Variants in MYOCD observed in about 807,000 individuals in gnomAD.
MYOCD encodes myocardin.
Under a neutral mutation model 96.1 loss-of-function variants are expected in MYOCD, and 32 were observed. That is an observed-to-expected ratio of 0.33 (90% CI 0.25 to 0.45). The LOEUF (loss-of-function observed/expected upper bound fraction) is 0.45. MYOCD is among the 20% of genes least tolerant of loss of function. The probability of loss-of-function intolerance (pLI) is 1.00; values close to 1 mark genes in which losing one functional copy is unlikely to be tolerated. For missense variants in MYOCD, 1,133 were observed against 1,200.6 expected (o/e 0.94, Z 0.83); for synonymous variants, 469 against 469.0 (o/e 1.00, Z 0.00).
chr17:12,737,225 A>G (rs1429691251), intron 6 of MYOCD, among the ~76,000 whole-genome samples: 1 of 152,200 alleles, frequency 6.6e-6, no homozygotes, highest in Non-Finnish European at 1.5e-5. Context: ...ACTGCACTCC[A>G]GCCTGGGCAA....
At chr17:12,693,277 G>A (rs903249027) in intron 1 of MYOCD, among the ~76,000 whole-genome samples, 9 of 151,894 alleles carry the variant, frequency 5.9e-5, no homozygotes, top group African/African-American at 1.2e-4. Flanking sequence ...TGGAGCTGTC[G>A]TGGGACATTT....
intron 6 of MYOCD, 142 bp downstream of exon 6, chr17:12,736,478 C>T: frequency 1.3e-6 from 1 of 798,638 alleles, no homozygotes; most frequent in Non-Finnish European, 2.0e-6. Flanking sequence ...ATTTTGATGC[C>T]TCTTCTCACT....
At chr17:12,707,955 A>ATGTG (rs138143185) in intron 2 of MYOCD, among the ~76,000 whole-genome samples, 7 of 151,662 alleles carry the variant, frequency 4.6e-5, no homozygotes, top group East Asian at 1.9e-4. Flanking sequence ...CACTATATAT[A>ATGTG]TGTGTGTGTG....
chr17:12,683,944 G>A (rs773813136), intron 1 of MYOCD, among the ~76,000 whole-genome samples: 2 of 152,144 alleles, frequency 1.3e-5, no homozygotes, highest in Non-Finnish European at 2.9e-5. Flanking sequence ...CACCTTACTG[G>A]CAAATTCCCA....
intron 2 of MYOCD, among the ~76,000 whole-genome samples, chr17:12,715,114 TC>T (rs2031598845): frequency 6.6e-6 from 1 of 151,986 alleles, no homozygotes; most frequent in East Asian, 1.9e-4. Context: ...ACCACAGTCA[TC>T]CCCCAAGCCT....
chr17:12,683,490 C>G (rs748880095), intron 1 of MYOCD, among the ~76,000 whole-genome samples: 2 of 152,096 alleles, frequency 1.3e-5, no homozygotes, highest in African/African-American at 2.4e-5. Context: ...CGCTCCTTCT[C>G]TCTGTCTCTC....
chr17:12,699,832 C>G (rs951570162), intron 1 of MYOCD, among the ~76,000 whole-genome samples: 2 of 150,250 alleles, frequency 1.3e-5, no homozygotes, highest in Admixed American at 1.3e-4. Flanking sequence ...AGCTGTATTT[C>G]TTGCAACATA....
intron 2 of MYOCD, among the ~76,000 whole-genome samples, chr17:12,709,865 T>G (rs1484646777): frequency 6.6e-6 from 1 of 152,226 alleles, no homozygotes; most frequent in African/African-American, 2.4e-5. Flanking sequence ...TTCTTCTCCC[T>G]GGGTATCACT....
At chr17:12,700,787 T>C (rs1184621346) in intron 1 of MYOCD, among the ~76,000 whole-genome samples, 1 of 152,134 alleles carries the variant, frequency 6.6e-6, no homozygotes, top group Non-Finnish European at 1.5e-5. Flanking sequence ...TTATTTATAA[T>C]TGGTATAATG....
At chr17:12,761,980 G>A (rs546225450) in intron 13 of MYOCD, 1 of 152,454 alleles carries the variant, frequency 6.6e-6, no homozygotes, top group African/African-American at 2.4e-5. Flanking sequence ...TGAGGATGCA[G>A]AAGGGGAGTG....
chr17:12,758,101 C>G lies in MYOCD; in HGVS notation c.2219C>G (p.Ser740Cys). 2.5e-6 allele frequency: 4 copies of G among 1,613,838 alleles called. No homozygotes were observed. The highest frequency in any genetic ancestry group is 3.4e-6 in the Non-Finnish European group (4 of 1,179,750). ...CCCATGCAGATGGCTGGTTTACACT[C>G]TTCTGATAAGGTGGGGCCAAAGTTT... ...CVQQKMAGLH[S>C]SDKVGPKFSI... The change falls in exon 12 of 14, where the codon TCT (serine) becomes TGT (cysteine). Residue 740 changes from serine (S) to cysteine (C), a missense_variant. By Grantham distance (112) the Ser-to-Cys change is moderately radical (BLOSUM62 -1). Transcript: ENST00000425538.
chr17:12,674,277 A>G (rs1033624142), intron 1 of MYOCD, among the ~76,000 whole-genome samples: 11 of 152,094 alleles, frequency 7.2e-5, no homozygotes, highest in African/African-American at 2.7e-4. Context: ...ATACACACAT[A>G]CCTGACCCAG....
At chr17:12,743,117 A>G (rs1291865266) in intron 7 of MYOCD, among the ~76,000 whole-genome samples, 1 of 152,186 alleles carries the variant, frequency 6.6e-6, no homozygotes, top group East Asian at 1.9e-4. Context: ...CCACTTTCAA[A>G]AATTTGTCTT....
intron 1 of MYOCD, among the ~76,000 whole-genome samples, chr17:12,686,388 A>G (rs75343388): frequency 0.015 from 2,275 of 152,346 alleles, 18 homozygotes; most frequent in Middle Eastern, 0.031. Flanking sequence ...CTTGCAAGAC[A>G]TCCTGCCAAT....
At chr17:12,679,341 T>C (rs1048613516) in intron 1 of MYOCD, among the ~76,000 whole-genome samples, 2 of 152,280 alleles carry the variant, frequency 1.3e-5, no homozygotes, top group South Asian at 2.1e-4. Flanking sequence ...GAATGAGGCA[T>C]AGGGATAGCA....
chr17:12,753,727 G>C (rs1441136866), intron 10 of MYOCD, among the ~76,000 whole-genome samples: 1 of 152,168 alleles, frequency 6.6e-6, no homozygotes, highest in Middle Eastern at 3.2e-3. Flanking sequence ...GCAAGACTTG[G>C]CTTGTGGGCT....
chr17:12,672,345 C>T (rs962344173), intron 1 of MYOCD, among the ~76,000 whole-genome samples: 1 of 152,156 alleles, frequency 6.6e-6, no homozygotes, highest in African/African-American at 2.4e-5. Context: ...ACAACCATGA[C>T]CATTAGCCCA....
intron 5 of MYOCD, among the ~76,000 whole-genome samples, chr17:12,732,265 C>T (rs1015694365): frequency 6.6e-6 from 1 of 152,160 alleles, no homozygotes; most frequent in Non-Finnish European, 1.5e-5. Flanking sequence ...GCCCTCTCCC[C>T]TGGCTGAAAG....
chr17:12,673,572 G>A (rs1042467347), intron 1 of MYOCD, among the ~76,000 whole-genome samples: 16 of 152,170 alleles, frequency 1.1e-4, no homozygotes, highest in African/African-American at 3.9e-4. Flanking sequence ...AATTAAGCCA[G>A]TTATAATCTT....
Sources: gnomAD v4.1 joint callset for allele counts (sites outside exome capture counted in the v4.1 genomes callset) on GRCh38, gnomAD v4.1.1 for gene constraint, MANE v1.5 for transcripts, NCBI Gene and HGNC (gene_info 2026-07-23, HGNC 2026-07-21) for gene names.